POU6F2: variants seen among roughly 807,000 people sequenced by gnomAD.
The protein encoded by POU6F2 is POU class 6 homeobox 2.
In POU6F2, 31 loss-of-function variants were observed where a neutral mutation model predicts 71.3. The observed-to-expected ratio is 0.43, with a 90% CI of 0.33 to 0.59. POU6F2 has a LOEUF of 0.59. Among genes scored for constraint, POU6F2 ranks in the 20% least tolerant of loss-of-function variants. POU6F2 has a pLI of 0.04. For synonymous variants in POU6F2, 347 were observed against 355.7 expected (o/e 0.98, Z 0.27); for missense variants, 783 against 856.8 (o/e 0.91, Z 1.07).
intron 4 of POU6F2, among the ~76,000 whole-genome samples, chr7:39,317,117 C>T (rs925076352): frequency 6.6e-6 from 1 of 152,176 alleles, no homozygotes; most frequent in East Asian, 1.9e-4. Context: ...TTCTCAAATC[C>T]CACCCCCTCC....
At position 39,146,816 on chromosome 7, in the gene POU6F2, C is replaced by T. The variant is rs563322058; in HGVS notation, c.278-57419C>T. 9.2e-5 allele frequency among the ~76,000 whole-genome samples: 14 copies of T among 152,292 alleles called. No homozygotes were observed. The South Asian group carries it at 2.9e-3, about 32-fold the overall frequency. ...CCAAGGTCACACTACATATTCAGCGCACAGTGGACTCTTTATCCCCAGGCA... is the reference window on the plus strand; with the variant it reads ...CCAAGGTCACACTACATATTCAGCGTACAGTGGACTCTTTATCCCCAGGCA... On this transcript the variant is annotated intron_variant, in intron 2 of 9. Coordinates refer to ENST00000518318, the MANE Select transcript of POU6F2 (RefSeq NM_001370959.1).
intron 1 of POU6F2, among the ~76,000 whole-genome samples, chr7:38,988,845 G>C (rs930238616): frequency 1.3e-5 from 2 of 152,078 alleles, no homozygotes; most frequent in Admixed American, 1.3e-4. Flanking sequence ...TCACACAATT[G>C]AAACATGGCC....
chr7:39,054,955 A>G (rs1790478316), intron 1 of POU6F2, among the ~76,000 whole-genome samples: 1 of 152,064 alleles, frequency 6.6e-6, no homozygotes, highest in Admixed American at 6.6e-5. Flanking sequence ...AGAAAAAGCC[A>G]CTGAAGAGTC....
At chr7:39,335,354 T>C (rs1785748051) in intron 4 of POU6F2, among the ~76,000 whole-genome samples, 2 of 152,338 alleles carry the variant, frequency 1.3e-5, no homozygotes, top group African/African-American at 4.8e-5. Flanking sequence ...TTGCCTGCAG[T>C]AGGACTGAGG....
intron 7 of POU6F2, among the ~76,000 whole-genome samples, chr7:39,450,767 C>T (rs1222973530): frequency 1.3e-5 from 2 of 152,196 alleles, no homozygotes; most frequent in Non-Finnish European, 1.5e-5. Context: ...CACTTGCTGG[C>T]TGAACCTATA....
chr7:39,279,413 T>C (rs1784519745), intron 4 of POU6F2, among the ~76,000 whole-genome samples: 1 of 152,226 alleles, frequency 6.6e-6, no homozygotes, highest in Admixed American at 6.5e-5. Flanking sequence ...GAGAAAATAA[T>C]AACATCATCC....
At chr7:39,050,010 GA>G (rs1430781187) in intron 1 of POU6F2, among the ~76,000 whole-genome samples, 1 of 151,906 alleles carries the variant, frequency 6.6e-6, no homozygotes, top group Non-Finnish European at 1.5e-5. Context: ...ACTATTTTAA[GA>G]TGCCATATTA....
intron 1 of POU6F2, among the ~76,000 whole-genome samples, chr7:39,024,929 G>A (rs1789764858): frequency 6.6e-6 from 1 of 152,090 alleles, no homozygotes; most frequent in Non-Finnish European, 1.5e-5. Flanking sequence ...GAGGATTTTT[G>A]CATCAATGTT....
At chr7:39,428,093 A>G (rs1788016012) in intron 6 of POU6F2, among the ~76,000 whole-genome samples, 1 of 152,218 alleles carries the variant, frequency 6.6e-6, no homozygotes, top group Admixed American at 6.5e-5. Context: ...CTGCAAGCTA[A>G]TCTTCATTAT....
At chr7:39,071,036 G>T (rs1562694033) in intron 1 of POU6F2, among the ~76,000 whole-genome samples, 3 of 152,022 alleles carry the variant, frequency 2.0e-5, no homozygotes, top group African/African-American at 7.3e-5. Flanking sequence ...GTTTCAGGAT[G>T]ATTCAAGCAC....
intron 2 of POU6F2, among the ~76,000 whole-genome samples, chr7:39,130,916 G>C (rs1351622928): frequency 6.6e-6 from 1 of 152,204 alleles, no homozygotes; most frequent in African/African-American, 2.4e-5. Context: ...CTGCTGCTAC[G>C]GGCGCCGGGA....
intron 2 of POU6F2, among the ~76,000 whole-genome samples, chr7:39,158,582 A>G (rs1364707457): frequency 6.6e-6 from 1 of 152,184 alleles, no homozygotes; most frequent in East Asian, 1.9e-4. Flanking sequence ...GGGAAACAGC[A>G]TGTGGAAATC....
At chr7:39,275,489 T>C (rs1583490422) in intron 4 of POU6F2, among the ~76,000 whole-genome samples, 1 of 152,324 alleles carries the variant, frequency 6.6e-6, no homozygotes, top group East Asian at 1.9e-4. Flanking sequence ...AGGTAATTTA[T>C]AGATTCAGTG....
At chr7:39,150,025 A>G (rs1414373895) in intron 2 of POU6F2, among the ~76,000 whole-genome samples, 1 of 151,978 alleles carries the variant, frequency 6.6e-6, no homozygotes, top group Non-Finnish European at 1.5e-5. Context: ...AGCTGGGACT[A>G]CAGGGGCCCG....
intron 1 of POU6F2, among the ~76,000 whole-genome samples, chr7:39,075,909 T>G (rs577132867): frequency 6.6e-6 from 1 of 152,326 alleles, no homozygotes; most frequent in South Asian, 2.1e-4. Context: ...AGACTTTCCT[T>G]TTCCTTTCCA....
At chr7:39,271,414 G>C (rs1404849298) in intron 4 of POU6F2, among the ~76,000 whole-genome samples, 1 of 148,786 alleles carries the variant, frequency 6.7e-6, no homozygotes, top group Non-Finnish European at 1.5e-5. Context: ...CATGGCAAGA[G>C]AAAAAGTTCT....
intron 1 of POU6F2, among the ~76,000 whole-genome samples, chr7:38,997,549 G>T (rs531756522): frequency 5.0e-4 from 76 of 152,194 alleles, no homozygotes; most frequent in Middle Eastern, 3.4e-3. Context: ...TCTTTTAGGG[G>T]TATTATAAGC....
At chr7:39,270,594 T>G (rs1562771035) in intron 4 of POU6F2, among the ~76,000 whole-genome samples, 1 of 152,186 alleles carries the variant, frequency 6.6e-6, no homozygotes, top group Non-Finnish European at 1.5e-5. Flanking sequence ...TTGCAGGTAA[T>G]GAAGTGTATG....
intron 2 of POU6F2, among the ~76,000 whole-genome samples, chr7:39,087,137 A>G (rs1562700796): frequency 6.8e-6 from 1 of 146,538 alleles, no homozygotes; most frequent in Middle Eastern, 3.5e-3. Flanking sequence ...CTTGAAACAC[A>G]GGCTTTATTA....
Sources: gnomAD v4.1 joint callset for allele counts (sites outside exome capture counted in the v4.1 genomes callset) on GRCh38, gnomAD v4.1.1 for gene constraint, MANE v1.5 for transcripts, NCBI Gene and HGNC (gene_info 2026-07-23, HGNC 2026-07-21) for gene names.